The following ADCY2 variants were observed in gnomAD, a reference collection of about 807,000 sequenced individuals.
ADCY2 encodes adenylate cyclase type 2.
In ADCY2, 31 loss-of-function variants were observed where a neutral mutation model predicts 125.2. That is an observed-to-expected ratio of 0.25 (90% CI 0.19 to 0.33). ADCY2 has a LOEUF of 0.33. Among genes scored for constraint, ADCY2 ranks in the 10% least tolerant of loss-of-function variants. ADCY2 has a pLI of 1.00. For missense variants in ADCY2, 904 were observed against 1,418.2 expected (o/e 0.64, Z 5.82); for synonymous variants, 512 against 548.4 (o/e 0.93, Z 0.93).
intron 3 of ADCY2, among the ~76,000 whole-genome samples, chr5:7,584,668 CCA>C: frequency 6.6e-6 from 1 of 152,220 alleles, no homozygotes; most frequent in East Asian, 1.9e-4. Context: ...TGGGTCACCA[CCA>C]CAGTTGCCCA....
intron 3 of ADCY2, among the ~76,000 whole-genome samples, chr5:7,585,848 G>A (rs572808214): frequency 4.9e-4 from 75 of 152,308 alleles, no homozygotes; most frequent in African/African-American, 1.7e-3. Context: ...CACCAAAAAG[G>A]TAACTATGTG....
Position 7,802,383 on chromosome 5 carries a change from C to T in ADCY2, c.2775+19C>T. 1.2e-6 allele frequency: 2 copies of T among 1,611,916 alleles called. No homozygotes were observed. The highest frequency in any genetic ancestry group is 1.3e-5 in the African/African-American group (1 of 74,942). The stretch of plus-strand genomic sequence containing the variant: ...TGATGATGTAGGTACTGAGAGTTGC[C>T]CTCGAAGGGCAGCAGTACACTCAGT... On this transcript the variant is annotated intron_variant, in intron 21 of 24. Transcript: ENST00000338316. The surrounding 1 kb of genome is among the most constrained non-coding windows in gnomAD (Gnocchi z 4.6).
intron 5 of ADCY2, chr5:7,691,691 C>T (rs1740710532): frequency 6.6e-6 from 1 of 152,276 alleles, no homozygotes; most frequent in African/African-American, 2.4e-5. Context: ...TTTGTTCTTT[C>T]ATCCACTCAG....
At chr5:7,577,621 T>A (rs1357795918) in intron 3 of ADCY2, among the ~76,000 whole-genome samples, 1 of 152,086 alleles carries the variant, frequency 6.6e-6, no homozygotes, top group East Asian at 1.9e-4. Context: ...GAGAAGACTG[T>A]CTCATGACAT....
intron 3 of ADCY2, among the ~76,000 whole-genome samples, chr5:7,597,026 C>T (rs935675789): frequency 2.4e-4 from 37 of 152,222 alleles, no homozygotes; most frequent in Non-Finnish European, 3.2e-4. Flanking sequence ...ACTTTTTGAG[C>T]TCCTGTAAGA....
chr5:7,583,645 T>C (rs1020005616), intron 3 of ADCY2, among the ~76,000 whole-genome samples: 1 of 152,120 alleles, frequency 6.6e-6, no homozygotes, highest in Non-Finnish European at 1.5e-5. Flanking sequence ...GGACCTTTTG[T>C]ACATTGATGG....
At chr5:7,660,297 A>AAGGAAGGAAGGG (rs1215647406) in intron 4 of ADCY2, among the ~76,000 whole-genome samples, 55 of 148,198 alleles carry the variant, frequency 3.7e-4, no homozygotes, top group African/African-American at 1.3e-3. Context: ...GGAAGGAAGG[A>AAGGAAGGAAGGG]AGGACTGTGA....
intron 1 of ADCY2, among the ~76,000 whole-genome samples, chr5:7,409,268 A>C (rs760156042): frequency 6.6e-6 from 1 of 152,168 alleles, no homozygotes; most frequent in Non-Finnish European, 1.5e-5. Flanking sequence ...GGATCAGGAC[A>C]AATAACTAAT....
At chr5:7,499,009 TTTG>T (rs752372599) in intron 2 of ADCY2, among the ~76,000 whole-genome samples, 3 of 152,044 alleles carry the variant, frequency 2.0e-5, no homozygotes, top group African/African-American at 2.4e-5. Context: ...CAGAGAGTGT[TTTG>T]TTGTTGTTGT....
chr5:7,482,593 C>G (rs1198417757), intron 2 of ADCY2, among the ~76,000 whole-genome samples: 1 of 151,842 alleles, frequency 6.6e-6, no homozygotes, highest in Admixed American at 6.6e-5. Context: ...AAAACTAAAA[C>G]TAGAACTACC....
intron 2 of ADCY2, among the ~76,000 whole-genome samples, chr5:7,480,501 A>C (rs766140829): frequency 2.4e-4 from 37 of 152,336 alleles, no homozygotes; most frequent in Admixed American, 3.3e-4. Context: ...TAATACATGA[A>C]CAGAAAACCA....
chr5:7,725,335 A>C (rs1741898084), intron 13 of ADCY2, among the ~76,000 whole-genome samples: 1 of 152,238 alleles, frequency 6.6e-6, no homozygotes, highest in Non-Finnish European at 1.5e-5. Flanking sequence ...CAAAAGTTAC[A>C]TTAATGGTAG....
intron 4 of ADCY2, among the ~76,000 whole-genome samples, chr5:7,645,946 C>T (rs1385605675): frequency 6.6e-6 from 1 of 152,194 alleles, no homozygotes; most frequent in Non-Finnish European, 1.5e-5. Context: ...GTATGTTGCA[C>T]TTCAATTTAT....
chr5:7,743,796 T>C (rs1348771054), intron 15 of ADCY2, 44 bp downstream of exon 15: 2 of 1,580,488 alleles, frequency 1.3e-6, no homozygotes, highest in Non-Finnish European at 1.7e-6. Context: ...TATGCTCATT[T>C]CATGAAAGCT....
chr5:7,712,044 C>T (rs2126364986), intron 10 of ADCY2, among the ~76,000 whole-genome samples: 1 of 152,292 alleles, frequency 6.6e-6, no homozygotes, highest in East Asian at 1.9e-4. Context: ...ATTGATAGAG[C>T]TCTTGAATAA....
chr5:7,741,370 C>A (rs1187112003), intron 14 of ADCY2, among the ~76,000 whole-genome samples: 2 of 152,132 alleles, frequency 1.3e-5, no homozygotes, highest in Admixed American at 6.5e-5. Context: ...ATCAGTTTCT[C>A]TGGCAAAATG....
intron 3 of ADCY2, among the ~76,000 whole-genome samples, chr5:7,581,482 T>C (rs956980483): frequency 6.6e-6 from 1 of 150,860 alleles, no homozygotes; most frequent in Non-Finnish European, 1.5e-5. Context: ...AATCAATTAA[T>C]TGAAATGGGG....
intron 3 of ADCY2, among the ~76,000 whole-genome samples, chr5:7,551,284 CAGTT>C (rs1735332831): frequency 6.6e-6 from 1 of 152,082 alleles, no homozygotes; most frequent in African/African-American, 2.4e-5. Flanking sequence ...GAGTTCATGA[CAGTT>C]AGGATTCAGA....
At chr5:7,697,680 T>A (rs574585519) in intron 6 of ADCY2, among the ~76,000 whole-genome samples, 3 of 152,326 alleles carry the variant, frequency 2.0e-5, no homozygotes, top group Non-Finnish European at 4.4e-5. Context: ...TTAAAACAGT[T>A]GAGCCTAAGA....
Sources: gnomAD v4.1 joint callset for allele counts (sites outside exome capture counted in the v4.1 genomes callset) on GRCh38, gnomAD v4.1.1 for gene constraint, Gnocchi (gnomAD v3.1) non-coding constraint, MANE v1.5 for transcripts, NCBI Gene and HGNC (gene_info 2026-07-23, HGNC 2026-07-21) for gene names.